The following TPRG1 variants were observed in gnomAD, a reference collection of about 807,000 sequenced individuals.
TPRG1 encodes tumor protein p63 regulated 1, also known as tumor protein p63-regulated gene 1 protein.
In TPRG1, 29 loss-of-function variants were observed where a neutral mutation model predicts 29.3. The ratio of observed to expected loss-of-function variants is 0.99; its 90% CI spans 0.74 to 1.35. The LOEUF (loss-of-function observed/expected upper bound fraction) is 1.35, where lower values mean the gene tolerates loss of function less well. Ranked by LOEUF, TPRG1 falls within the 40% of genes most tolerant of loss-of-function variation. The pLI, the probability that TPRG1 is intolerant of heterozygous loss-of-function variation, is 0.00. For missense variants in TPRG1, 327 were observed against 335.0 expected, an observed-to-expected ratio of 0.98 and a Z score of 0.19; for synonymous variants, 130 against 116.8, an observed-to-expected ratio of 1.11 and a Z score of -0.73.
Position 189,323,456 on chromosome 3 carries a change from C to G in TPRG1, c.*2636C>G, listed in dbSNP as rs1204377728. 1 of 152,074 alleles carries G rather than the reference C, an allele frequency of 6.6e-6. No homozygotes were observed. The highest frequency in any genetic ancestry group is 1.5e-5 in the Non-Finnish European group (1 of 67,990). The allele number at this position is 152,074 out of a possible 1,614,324, so 9.4% of individuals were successfully genotyped here. On this transcript the variant is annotated 3_prime_UTR_variant, in exon 6 of 6. Transcript: ENST00000345063. The stretch of plus-strand genomic sequence containing the variant: ...GGATTCAATGAAATGAGGTTAAATT[C>G]TTTTATTAAACAGAAAGTTTTGAGT...
chr3:189,160,185 T>G (rs2108627867), intron 5 of TPRG1, among the ~76,000 whole-genome samples: 1 of 152,262 alleles, frequency 6.6e-6, no homozygotes, highest in Non-Finnish European at 1.5e-5. Flanking sequence ...TTGACTCTTC[T>G]GAAGGAGAAA....
chr3:189,232,861 G>A (rs567870984), intron 3 of TPRG1, among the ~76,000 whole-genome samples: 6 of 152,276 alleles, frequency 3.9e-5, no homozygotes, highest in Non-Finnish European at 7.4e-5. Context: ...GGTCTTCCAC[G>A]ACTCCACTTA....
At chr3:189,085,466 T>TGTGTGTGTGTGA in intron 4 of TPRG1, among the ~76,000 whole-genome samples, 2 of 151,212 alleles carry the variant, frequency 1.3e-5, no homozygotes, top group African/African-American at 4.9e-5. Flanking sequence ...TGTGTGTGTG[T>TGTGTGTGTGTGA]GTGTGTGTAT....
chr3:189,036,844 TATA>T (rs1470627281), intron 4 of TPRG1, among the ~76,000 whole-genome samples: 2 of 151,840 alleles, frequency 1.3e-5, no homozygotes, highest in East Asian at 3.8e-4. Context: ...TAATGAGATC[TATA>T]AACCGATTAA....
chr3:189,126,871 C>T (rs186280474), intron 1 of TPRG1, among the ~76,000 whole-genome samples: 144 of 151,966 alleles, frequency 9.5e-4, no homozygotes, highest in Middle Eastern at 3.4e-3. Context: ...CTTATTCACA[C>T]GATTTCATTG....
At chr3:189,050,200 GAGAAA>G (rs1388307760) in intron 4 of TPRG1, among the ~76,000 whole-genome samples, 1 of 152,004 alleles carries the variant, frequency 6.6e-6, no homozygotes, top group Non-Finnish European at 1.5e-5. Flanking sequence ...AAGATTAACC[GAGAAA>G]AGAAGAGAGA....
chr3:189,081,842 T>C (rs1717613642), intron 4 of TPRG1, among the ~76,000 whole-genome samples: 2 of 152,238 alleles, frequency 1.3e-5, no homozygotes, highest in South Asian at 4.1e-4. Flanking sequence ...CCTTTGGTTA[T>C]AATTCTGTAT....
rs563336597 is a variant in TPRG1 at position 189,124,354 on chromosome 3, C to T, written c.-743-2703C>T. On this transcript the variant is annotated intron_variant, in intron 1 of 6. Transcript: ENST00000412373. Reference sequence around the variant, plus strand: ...CAGAAGGGGTGACAAAAGCTCCATCCTGTATGGTGATTTAAAGCAATGGCT... The same window carrying T: ...CAGAAGGGGTGACAAAAGCTCCATCTTGTATGGTGATTTAAAGCAATGGCT... Among the ~76,000 whole-genome samples, 4 of 152,230 alleles carry T rather than the reference C, an allele frequency of 2.6e-5. No homozygotes were observed. In the East Asian group the frequency reaches 7.7e-4, roughly 29 times the overall value.
intron 3 of TPRG1, among the ~76,000 whole-genome samples, chr3:189,007,851 A>G (rs1372721882): frequency 7.4e-6 from 1 of 135,520 alleles, no homozygotes; most frequent in Non-Finnish European, 1.5e-5. Context: ...GAACAATGAG[A>G]TCACATGGAC....
chr3:189,118,966 C>G (rs1486049660), intron 1 of TPRG1, among the ~76,000 whole-genome samples: 2 of 152,230 alleles, frequency 1.3e-5, no homozygotes, highest in Admixed American at 1.3e-4. Context: ...GGCCACCATC[C>G]TGCAGACCCC....
upstream of TPRG1, among the ~76,000 whole-genome samples, chr3:189,098,196 A>G (rs949674139): frequency 5.9e-5 from 9 of 152,126 alleles, no homozygotes; most frequent in African/African-American, 1.7e-4. Context: ...GTACTAGAGG[A>G]AACAATGTTT....
intron 4 of TPRG1, among the ~76,000 whole-genome samples, chr3:189,268,257 G>C (rs576686612): frequency 5.9e-5 from 9 of 152,104 alleles, no homozygotes; most frequent in Non-Finnish European, 1.3e-4. Context: ...TTTTGGGTGC[G>C]GTGCTGTCCA....
intron 5 of TPRG1, among the ~76,000 whole-genome samples, chr3:189,155,751 G>T (rs150124470): frequency 4.6e-5 from 7 of 152,330 alleles, no homozygotes; most frequent in East Asian, 3.9e-4. Flanking sequence ...GACAAATACT[G>T]CCTGATCTCA....
intron 4 of TPRG1, among the ~76,000 whole-genome samples, chr3:189,285,684 C>A (rs1717941741): frequency 6.6e-6 from 1 of 152,108 alleles, no homozygotes; most frequent in African/African-American, 2.4e-5. Flanking sequence ...CAGAGTAATT[C>A]TTTAAGGTGG....
At chr3:189,088,275 G>C (rs1718094818) in intron 4 of TPRG1, among the ~76,000 whole-genome samples, 1 of 151,858 alleles carries the variant, frequency 6.6e-6, no homozygotes, top group South Asian at 2.1e-4. Flanking sequence ...ATTGTGAATG[G>C]GAGTTCACTC....
rs541236839 is a variant in TPRG1, at chr3:189,324,201, T to TAC, written c.*3382_*3383insCA. ...TAAACCTTCTTAGGAAGCCAGTTTG[T>TAC]AGAGTTCTGGGGATAAGAAGGCAGA... is the stretch of plus-strand genomic sequence containing the variant. On this transcript the variant is annotated 3_prime_UTR_variant, in exon 6 of 6. Coordinates refer to ENST00000345063, the MANE Select transcript of TPRG1 (RefSeq NM_198485.4). 9 of 152,124 alleles carry TAC rather than the reference T, an allele frequency of 5.9e-5. No homozygotes were observed. Among genetic ancestry groups the TAC allele is most frequent in the Non-Finnish European group, 1.0e-4 (7 of 68,010 alleles). The allele number at this position is 152,124 out of a possible 1,614,324, so 9.4% of individuals were successfully genotyped here. A position where few individuals can be genotyped will look rare whatever the true frequency, so the allele number is the denominator to read the frequency against.
At chr3:189,244,065 G>T (rs1375791409) in intron 4 of TPRG1, among the ~76,000 whole-genome samples, 1 of 151,994 alleles carries the variant, frequency 6.6e-6, no homozygotes, top group African/African-American at 2.4e-5. Flanking sequence ...CCCTATTCCT[G>T]GTACCAATTT....
intron 3 of TPRG1, among the ~76,000 whole-genome samples, chr3:189,218,786 T>G (rs931662147): frequency 2.6e-5 from 4 of 152,174 alleles, no homozygotes; most frequent in African/African-American, 9.7e-5. Flanking sequence ...TGAGGCTGAT[T>G]GGGTTCTAAT....
chr3:189,307,077 C>A (rs1041452662), intron 4 of TPRG1, among the ~76,000 whole-genome samples: 11 of 152,168 alleles, frequency 7.2e-5, no homozygotes, highest in African/African-American at 2.7e-4. Flanking sequence ...GGCTGAAGTG[C>A]AGTGGCATGA....
Sources: allele counts gnomAD v4.1 joint callset (sites outside exome capture counted in the v4.1 genomes callset), GRCh38; gene constraint gnomAD v4.1.1; transcripts MANE v1.5; gene names NCBI Gene and HGNC (gene_info 2026-07-23, HGNC 2026-07-21).